NAT10: variants seen among roughly 807,000 people sequenced by gnomAD.
NAT10 encodes N-acetyltransferase 10.
NAT10 carries 109 observed loss-of-function variants against 132.2 expected under a neutral mutation model. The ratio of observed to expected loss-of-function variants is 0.82; its 90% CI spans 0.71 to 0.97. The LOEUF (loss-of-function observed/expected upper bound fraction) is 0.97, where lower values mean the gene tolerates loss of function less well. Among genes scored for constraint, NAT10 ranks in the 50% least tolerant of loss-of-function variants. The pLI, the probability that NAT10 is intolerant of heterozygous loss-of-function variation, is 0.00. For synonymous variants in NAT10, 479 were observed against 478.0 expected (o/e 1.00, Z -0.03); for missense variants, 1,184 against 1,263.4 (o/e 0.94, Z 0.95).
rs142485396 is a variant in NAT10 at position 34,126,903 on chromosome 11, G to A, written c.1108-560G>A. Among the ~76,000 whole-genome samples, 548 of 152,322 alleles carry A rather than the reference G, an allele frequency of 3.6e-3. 4 individuals carry two copies. The highest frequency in any genetic ancestry group is 0.012 in the African/African-American group (516 of 41,574). Reference sequence around the variant, plus strand: ...AAAATAACAAGTTCTAGAAATGTCCGTCAGTGCAGGGAGACTTGGCCCTTG... The same window carrying A: ...AAAATAACAAGTTCTAGAAATGTCCATCAGTGCAGGGAGACTTGGCCCTTG... On this transcript the variant is annotated intron_variant, in intron 11 of 28. Coordinates refer to ENST00000257829, the MANE Select transcript of NAT10 (RefSeq NM_024662.3).
chr11:34,118,500 C>A lies in NAT10; in HGVS notation c.777C>A (p.Asp259Glu). The change falls in exon 8 of 29, where the codon GAC (aspartate) becomes GAA (glutamate). Residue 259 changes from aspartate to glutamate, a missense_variant. Transcript: ENST00000257829. ...GVLVDCCKTLDQAKAVLKFIE... is the reference protein window; with the variant it reads ...GVLVDCCKTLEQAKAVLKFIE... ...TGGTGGACTGCTGTAAGACTCTAGA[C>A]CAGGTGAGTGTGGTGCTCAGCACTT... 6.2e-7 allele frequency: 1 copy of A among 1,612,344 alleles called. No homozygotes were observed.
At chr11:34,138,959 T>G in intron 21 of NAT10, 3 of 495,388 alleles carry the variant, frequency 6.1e-6, no homozygotes, top group Non-Finnish European at 7.3e-6. Flanking sequence ...CTGTGACACT[T>G]TTGAGGAGAT....
chr11:34,141,477 G>A (rs1383864058), intron 25 of NAT10, among the ~76,000 whole-genome samples: 1 of 150,926 alleles, frequency 6.6e-6, no homozygotes, highest in African/African-American at 2.5e-5. Flanking sequence ...CAGGACTTCA[G>A]CTCTAAAGAA....
chr11:34,122,889 T>G (rs1851920468), intron 9 of NAT10, among the ~76,000 whole-genome samples: 1 of 152,226 alleles, frequency 6.6e-6, no homozygotes, highest in Non-Finnish European at 1.5e-5. Context: ...AGTAAGAAAC[T>G]TTACAACTCA....
chr11:34,131,027 C>T lies in NAT10; in HGVS notation c.1369+90C>T, dbSNP rs892528930. The T allele has an allele frequency of 2.0e-5, 31 of 1,538,668 alleles. No homozygotes were observed. The Middle Eastern group carries it at 5.8e-4, about 29-fold the overall frequency. On this transcript the variant is annotated intron_variant, in intron 13 of 28. Coordinates refer to ENST00000257829, the MANE Select transcript of NAT10 (RefSeq NM_024662.3). ...GCTTCCCCTGTGACATCATGGGAAGCACCAAACCTTCCCACCATCAGGCTG... is the reference window on the plus strand; with the variant it reads ...GCTTCCCCTGTGACATCATGGGAAGTACCAAACCTTCCCACCATCAGGCTG...
chr11:34,134,318 G>A lies in NAT10; in HGVS notation c.1735-1G>A. The A allele has an allele frequency of 6.2e-7, 1 of 1,613,698 alleles. No individual in the cohort carries two copies. The highest frequency in any genetic ancestry group is 8.5e-7 in the Non-Finnish European group (1 of 1,179,580). On this transcript the variant is annotated splice_acceptor_variant, in intron 16 of 28. Transcript: ENST00000257829. LOFTEE classifies it high-confidence loss of function. Reference sequence around the variant, plus strand: ...CCTGCACTGTCCTGCTTCCCCCACAGGTGTGCCTTGAAGGGGAGATTTCTC... The same window carrying A: ...CCTGCACTGTCCTGCTTCCCCCACAAGTGTGCCTTGAAGGGGAGATTTCTC...
At chr11:34,123,959 C>A in intron 10 of NAT10, 104 bp downstream of exon 10, 1 of 864,822 alleles carries the variant, frequency 1.2e-6, no homozygotes, top group Non-Finnish European at 1.9e-6. Flanking sequence ...CACCTGAGGT[C>A]GGGAGTTGGA....
chr11:34,124,248 T>C, intron 10 of NAT10, 54 bp from the exon 11 acceptor site: 1 of 1,166,944 alleles, frequency 8.6e-7, no homozygotes, highest in African/African-American at 1.5e-5. Context: ...TTTCATAATA[T>C]TTAGTTTCTG....
At chr11:34,139,523 G>A (rs1338194900) in intron 23 of NAT10, 28 bp downstream of exon 23, 2 of 1,591,554 alleles carry the variant, frequency 1.3e-6, no homozygotes, top group African/African-American at 1.3e-5. Flanking sequence ...AGGGAGGAGG[G>A]TTGGGAATGG....
Position 34,118,387 on chromosome 11 carries a change from C to G in NAT10, c.673-9C>G. ...GTGACAGACCTTCCCCTTCTCCTCT[C>G]TCTGGTAGGATGAGAGTCTTGGTCC... On this transcript the variant is annotated splice_polypyrimidine_tract_variant and intron_variant, in intron 7 of 28. Transcript: ENST00000257829. The G allele has an allele frequency of 6.2e-7, 1 of 1,613,610 alleles. No individual in the cohort carries two copies. The highest frequency in any genetic ancestry group is 8.5e-7 in the Non-Finnish European group (1 of 1,179,578).
chr11:34,109,680 A>G (rs1590758889), intron 3 of NAT10, among the ~76,000 whole-genome samples: 1 of 152,374 alleles, frequency 6.6e-6, no homozygotes, highest in Admixed American at 6.5e-5. Flanking sequence ...AATTTGGCAC[A>G]AAGGGATTTC....
At position 34,143,450 on chromosome 11, in the gene NAT10, T is replaced by C. The variant is rs1217745164; in HGVS notation, c.2891T>C (p.Ile964Thr). 6.2e-7 allele frequency: 1 copy of C among 1,611,510 alleles called. No homozygotes were observed. Among genetic ancestry groups the C allele is most frequent in the Non-Finnish European group, 8.5e-7 (1 of 1,178,554 alleles). Residue 964 changes from isoleucine to threonine, a missense_variant, in exon 28 of 29, where the codon ATA becomes ACA. Transcript: ENST00000257829. ...AGTTCCCTTCTTTTTTTTAGATACA[T>C]AATCCGTGGGGACGATGAAGAGTGG... is the stretch of plus-strand genomic sequence containing the variant. ...KLKSMDLSEY[I>T]IRGDDEEWNE... is the part of the protein sequence containing the mutation.
intron 1 of NAT10, chr11:34,107,400 T>C (rs535874054): frequency 2.6e-5 from 4 of 152,354 alleles, no homozygotes; most frequent in South Asian, 2.1e-4. Flanking sequence ...GAATTATTCA[T>C]TGATGGTTAT....
chr11:34,131,674 TTTTTTTTTTTTCTTTC>T, intron 14 of NAT10, 143 bp downstream of exon 14: 1 of 420,776 alleles, frequency 2.4e-6, no homozygotes, highest in East Asian at 7.0e-5. Flanking sequence ...TTTCTCTTCC[TTTTTTTTTTTTCTTTC>T]TTTTTTTTTT....
intron 6 of NAT10, 72 bp from the exon 7 acceptor site, chr11:34,118,108 A>G: frequency 7.8e-7 from 1 of 1,282,396 alleles, no homozygotes; most frequent in Non-Finnish European, 1.1e-6. Context: ...AATTTTTTTG[A>G]AGAAAAGTTA....
chr11:34,107,031 C>CT (rs71037398), intron 1 of NAT10: 108,270 of 127,030 alleles, frequency 0.85, 46,787 homozygotes, highest in East Asian at 0.96. Context: ...AATCACAGAA[C>CT]TTTTTTTTTT....
chr11:34,135,414 C>CT, intron 19 of NAT10, 123 bp downstream of exon 19: 1 of 729,228 alleles, frequency 1.4e-6, no homozygotes, highest in Admixed American at 2.2e-5. Flanking sequence ...TCTTCTGCTG[C>CT]TTTCTCCTAC....
intron 12 of NAT10, among the ~76,000 whole-genome samples, chr11:34,128,366 A>AC (rs201619229): frequency 8.6e-5 from 13 of 151,760 alleles, no homozygotes; most frequent in East Asian, 3.9e-4. Flanking sequence ...ACAAAACAAA[A>AC]AAAAAAAAAA....
chr11:34,142,662 T>TA (rs1439029507), intron 27 of NAT10, among the ~76,000 whole-genome samples: 1 of 152,198 alleles, frequency 6.6e-6, no homozygotes, highest in Non-Finnish European at 1.5e-5. Context: ...AATGGTTACT[T>TA]ACTCTATTTG....
Sources: gnomAD v4.1 joint callset for allele counts (sites outside exome capture counted in the v4.1 genomes callset) on GRCh38, gnomAD v4.1.1 for gene constraint, MANE v1.5 for transcripts, NCBI Gene and HGNC (gene_info 2026-07-23, HGNC 2026-07-21) for gene names.